PCDHGA8: variants seen among roughly 807,000 people sequenced by gnomAD.
PCDHGA8 encodes protocadherin gamma-A8.
Under a neutral mutation model 59.2 loss-of-function variants are expected in PCDHGA8, and 45 were observed. That is an observed-to-expected ratio of 0.76 (90% CI 0.60 to 0.98). The LOEUF is 0.98. PCDHGA8 is among the 50% of genes least tolerant of loss of function. The pLI is 0.00. For synonymous variants in PCDHGA8, 531 were observed against 519.0 expected, an observed-to-expected ratio of 1.02 and a Z score of -0.32; for missense variants, 1,257 against 1,196.2, an observed-to-expected ratio of 1.05 and a Z score of -0.75.
In PCDHGA8 at chr5:141,476,238, G is replaced by A; in HGVS notation, c.2425-18569G>A. The A allele has an allele frequency of 1.2e-6, 2 of 1,614,098 alleles. No individual in the cohort carries two copies. ...ATTCACTATGAGATCCCGGAGGAAAGAGAGAAGGGTTTCGCTGTGGGCAAC... is the reference window on the plus strand; with the variant it reads ...ATTCACTATGAGATCCCGGAGGAAAAAGAGAAGGGTTTCGCTGTGGGCAAC... On this transcript the variant is annotated intron_variant, in intron 1 of 3. Coordinates refer to ENST00000398604, the MANE Select transcript of PCDHGA8 (RefSeq NM_032088.2). The surrounding 1 kb of genome is among the most constrained non-coding windows in gnomAD (Gnocchi z 7.6).
Position 141,486,886 on chromosome 5 carries a change from G to A in PCDHGA8, c.2425-7921G>A. The A allele has an allele frequency of 1.9e-6, 3 of 1,614,222 alleles. No individual in the cohort carries two copies. The highest frequency in any genetic ancestry group is 2.5e-6 in the Non-Finnish European group (3 of 1,180,044). ...CAGCTGTGCTCCGTCCTCGGGCCCGGCCTGGTTCCTTATGTCCCCAAGCAC... is the reference window on the plus strand; with the variant it reads ...CAGCTGTGCTCCGTCCTCGGGCCCGACCTGGTTCCTTATGTCCCCAAGCAC... On this transcript the variant is annotated intron_variant, in intron 1 of 3. Coordinates refer to ENST00000398604, the MANE Select transcript of PCDHGA8 (RefSeq NM_032088.2). This position sits in a 1 kb window ranked among gnomAD's most constrained non-coding sequence, Gnocchi z 5.0.
At chr5:141,412,300 A>T (rs1422841541) in intron 1 of PCDHGA8, 2 of 152,248 alleles carry the variant, frequency 1.3e-5, no homozygotes, top group Non-Finnish European at 2.9e-5. Context: ...TTCTTTTCTC[A>T]TTACAATGCA....
chr5:141,392,964 G>C lies in PCDHGA8; in HGVS notation c.151G>C (p.Asp51His), dbSNP rs772870041. 23 of 1,613,902 alleles carry C rather than the reference G, an allele frequency of 1.4e-5. No homozygotes were observed. The highest frequency in any genetic ancestry group is 1.9e-5 in the Non-Finnish European group (23 of 1,179,898). ...CTCCTTCGTGGGTAATATCTCCAAGGACCTGGGGCTGGACCCCCGGAAGCT... is the reference window on the plus strand; with the variant it reads ...CTCCTTCGTGGGTAATATCTCCAAGCACCTGGGGCTGGACCCCCGGAAGCT... The part of the protein sequence containing the change: ...KGSFVGNISK[D>H]LGLDPRKLAK... Residue 51 changes from aspartate (D) to histidine (H), a missense_variant, in exon 1 of 4, where the codon GAC becomes CAC. Transcript: ENST00000398604.
Position 141,511,349 on chromosome 5 carries a change from C to T in PCDHGA8, c.*176C>T, listed in dbSNP as rs1463242262. The T allele has an allele frequency of 2.1e-6, 3 of 1,401,380 alleles. No homozygotes were observed. The highest frequency in any genetic ancestry group is 2.9e-5 in the African/African-American group (2 of 68,826). 86.8% of individuals were successfully genotyped at this position (1,401,380 alleles called of 1,614,324 possible). The stretch of plus-strand genomic sequence containing the variant: ...GCCCAGTCAGCACCTACCCCTTCCC[C>T]CCCAGGGGGTTGAATATGCAAAAGC... On this transcript the variant is annotated 3_prime_UTR_variant, in exon 4 of 4. Transcript: ENST00000398604.
chr5:141,437,116 GA>G (rs914218907), intron 1 of PCDHGA8, among the ~76,000 whole-genome samples: 4 of 152,150 alleles, frequency 2.6e-5, no homozygotes, highest in African/African-American at 9.7e-5. Flanking sequence ...GGATTTTTAG[GA>G]CACTTGTTGA....
chr5:141,431,150 CCTTA>C lies in PCDHGA8; in HGVS notation c.2424+35917_2424+35920del, dbSNP rs1302288904. ...AGTAAGGGACATTAACGACAATGCG[CCTTA>C]CTTTCGTGAAAGTGAATTAGAAATA... On this transcript the variant is annotated intron_variant, in intron 1 of 3. Coordinates refer to ENST00000398604, the MANE Select transcript of PCDHGA8 (RefSeq NM_032088.2). The surrounding 1 kb of genome is among the most constrained non-coding windows in gnomAD (Gnocchi z 4.8). 3 of 1,614,226 alleles carry C rather than the reference CCTTA, an allele frequency of 1.9e-6. No individual in the cohort carries two copies. The highest frequency in any genetic ancestry group is 2.2e-5 in the East Asian group (1 of 44,876).
chr5:141,460,556 T>C (rs762545295), intron 1 of PCDHGA8, among the ~76,000 whole-genome samples: 10 of 152,152 alleles, frequency 6.6e-5, no homozygotes, highest in Admixed American at 3.3e-4. Context: ...CAAAAATCAT[T>C]TGGCCATGGA....
intron 1 of PCDHGA8, chr5:141,398,897 C>G (rs761364649): frequency 2.1e-5 from 34 of 1,613,932 alleles, no homozygotes; most frequent in Non-Finnish European, 2.8e-5. Context: ...AACGTGCCAC[C>G]AGGCACCACT....
In PCDHGA8 at chr5:141,393,675, C is replaced by T. The variant is rs755191809; in HGVS notation, c.862C>T (p.Gln288Ter). ...AYKFRKINEK[Q>*]TPLFQLNENT... is the part of the protein sequence containing the mutation. The stretch of plus-strand genomic sequence containing the variant: ...CAAATTCCGGAAAATTAATGAAAAA[C>T]AAACTCCGTTATTCCAGCTTAATGA... The change falls in exon 1 of 4, where the codon CAA becomes TAA. Residue 288 changes from glutamine to a stop codon, truncating the protein, a stop_gained. Transcript: ENST00000398604. LOFTEE classifies it high-confidence loss of function. 4 of 1,613,756 alleles carry T rather than the reference C, an allele frequency of 2.5e-6. No individual in the cohort carries two copies. The South Asian group carries it at 3.3e-5, about 13-fold the overall frequency.
chr5:141,447,161 C>T (rs1432238455), intron 1 of PCDHGA8, among the ~76,000 whole-genome samples: 1 of 151,728 alleles, frequency 6.6e-6, no homozygotes, highest in East Asian at 1.9e-4. Flanking sequence ...TTTGTTTAAG[C>T]GGGGTCTTGC....
chr5:141,395,224 C>G lies in PCDHGA8; in HGVS notation c.2411C>G (p.Ala804Gly), dbSNP rs1442627118. 6.2e-7 allele frequency: 1 copy of G among 1,610,586 alleles called. No homozygotes were observed. The highest frequency in any genetic ancestry group is 1.7e-5 in the Admixed American group (1 of 59,808). The change falls in exon 1 of 4, where the codon GCT (alanine) becomes GGT (glycine). Residue 804 changes from alanine to glycine, a missense_variant. Physicochemically the swap from Ala to Gly is moderately conservative, Grantham distance 60. Transcript: ENST00000398604. ...GATTTTCATGAATATAAGAATGAAG[C>G]TGATCATGGTCAGGTGAGTTTAGTT... ...SVDFHEYKNE[A>G]DHGQQAPPNT...
intron 3 of PCDHGA8, among the ~76,000 whole-genome samples, chr5:141,506,444 C>CAA (rs1219684339): frequency 1.2e-3 from 116 of 94,976 alleles, no homozygotes; most frequent in African/African-American, 4.2e-3. Flanking sequence ...CGCTCTGTCT[C>CAA]AAAAAAAAAA....
intron 2 of PCDHGA8, among the ~76,000 whole-genome samples, chr5:141,499,016 GGAAGGAA>G (rs2099788564): frequency 7.0e-6 from 1 of 143,496 alleles, no homozygotes; most frequent in Non-Finnish European, 1.5e-5. Flanking sequence ...AAGGAAGGAA[GGAAGGAA>G]GGAAGAAAAG....
intron 1 of PCDHGA8, chr5:141,433,338 T>G (rs2097583623): frequency 3.1e-6 from 2 of 651,932 alleles, no homozygotes; most frequent in South Asian, 4.0e-5. Context: ...GGACTACAGG[T>G]GCAAGCCACC....
At position 141,487,148 on chromosome 5, in the gene PCDHGA8, G is replaced by A; in HGVS notation, c.2425-7659G>A. ...TGGTAGTCCACCACTCTCTACCTCT[G>A]TTACTCTCTTAGTGTCCTTAGAGGA... On this transcript the variant is annotated intron_variant, in intron 1 of 3. Transcript: ENST00000398604. This position sits in a 1 kb window ranked among gnomAD's most constrained non-coding sequence, Gnocchi z 5.0. The A allele has an allele frequency of 6.2e-7, 1 of 1,614,042 alleles. No homozygotes were observed. The highest frequency in any genetic ancestry group is 8.5e-7 in the Non-Finnish European group (1 of 1,179,922).
chr5:141,458,624 C>G (rs1382508302), intron 1 of PCDHGA8, among the ~76,000 whole-genome samples: 1 of 152,082 alleles, frequency 6.6e-6, no homozygotes, highest in East Asian at 1.9e-4. Context: ...GGCTGGAGTG[C>G]AGTGGCACAA....
intron 1 of PCDHGA8, chr5:141,395,509 G>C (rs59251876): frequency 0.091 from 39,157 of 428,204 alleles, 2,522 homozygotes; most frequent in African/African-American, 0.18. Flanking sequence ...TTAAGAAGTA[G>C]CTACCCGTCC....
In PCDHGA8 at chr5:141,409,653, A is replaced by G. The variant is rs763812886; in HGVS notation, c.2424+14416A>G. 10 of 1,613,542 alleles carry G rather than the reference A, an allele frequency of 6.2e-6. No homozygotes were observed. The East Asian group carries it at 8.9e-5, about 14-fold the overall frequency. ...GCCTCTGACCCGGATTTGGGGCTCAATGGCCACATCTCCTACTCTATAGTG... is the reference window on the plus strand; with the variant it reads ...GCCTCTGACCCGGATTTGGGGCTCAGTGGCCACATCTCCTACTCTATAGTG... On this transcript the variant is annotated intron_variant, in intron 1 of 3. Transcript: ENST00000398604.
intron 1 of PCDHGA8, chr5:141,415,450 C>T (rs774745130): frequency 1.9e-6 from 3 of 1,614,202 alleles, no homozygotes; most frequent in Non-Finnish European, 2.5e-6. Flanking sequence ...GACCTATTCC[C>T]ACGAGGTCTC....
Sources: gnomAD v4.1 joint callset for allele counts (sites outside exome capture counted in the v4.1 genomes callset) on GRCh38, gnomAD v4.1.1 for gene constraint, Gnocchi (gnomAD v3.1) non-coding constraint, MANE v1.5 for transcripts, NCBI Gene and HGNC (gene_info 2026-07-23, HGNC 2026-07-21) for gene names.